Variants in RNF17 observed in about 807,000 individuals in gnomAD.
RNF17 encodes the protein ring finger protein 17, also known as spermatogenesis associated 23.
A neutral mutation model predicts 200.5 loss-of-function variants in RNF17; 31 were observed. The ratio of observed to expected loss-of-function variants is 0.15; its 90% CI spans 0.12 to 0.21. The LOEUF is 0.21. RNF17 is among the 10% of genes least tolerant of loss of function. The pLI, the probability that RNF17 is intolerant of heterozygous loss-of-function variation, is 1.00. For synonymous variants in RNF17, 606 were observed against 637.8 expected (o/e 0.95, Z 0.75); for missense variants, 1,628 against 1,905.1 (o/e 0.85, Z 2.71).
At chr13:24,821,048 G>T (rs1870783086) in intron 15 of RNF17, among the ~76,000 whole-genome samples, 1 of 152,090 alleles carries the variant, frequency 6.6e-6, no homozygotes, top group Non-Finnish European at 1.5e-5. Flanking sequence ...TTCTTCTGAG[G>T]GGTTTGAGGG....
In RNF17 at chr13:24,864,952, A is replaced by G. The variant is rs890932093; in HGVS notation, c.4055A>G (p.Tyr1352Cys). ...ATGTCACTTTCTTATTTTATGGCATACTATAAATACTGTACTTCTGAACAT... is the reference window on the plus strand; with the variant it reads ...ATGTCACTTTCTTATTTTATGGCATGCTATAAATACTGTACTTCTGAACAT... ...DGMSLSYFMA[Y>C]YKYCTSEHTE... The change falls in exon 29 of 36, where the codon TAC becomes TGC. Residue 1352 changes from tyrosine to cysteine, a missense_variant. Tyr to Cys is a radical substitution (Grantham distance 194). Around this residue, in one of 5 missense-constraint regions of RNF17, gnomAD observed 609 missense variants for 681.9 expected, o/e 0.89. Transcript: ENST00000255324. 6.4e-7 allele frequency: 1 copy of G among 1,563,818 alleles called. No homozygotes were observed. The highest frequency in any genetic ancestry group is 1.4e-5 in the African/African-American group (1 of 72,734).
Position 24,850,244 on chromosome 13 carries a change from A to G in RNF17, c.3102-97A>G, listed in dbSNP as rs1005350215. 2.7e-5 allele frequency: 18 copies of G among 677,428 alleles called. 1 individual carries two copies. In the Admixed American group the frequency reaches 4.1e-4, roughly 16 times the overall value. 42.0% of individuals were successfully genotyped at this position (677,428 alleles called of 1,614,324 possible). A position where few individuals can be genotyped will look rare whatever the true frequency, so the allele number is the denominator to read the frequency against. On this transcript the variant is annotated intron_variant, in intron 22 of 35. Transcript: ENST00000255324. The stretch of plus-strand genomic sequence containing the variant: ...TTTTTACTACATATAGTTGGTTCAA[A>G]CTATGAGTGTATCTGTGTGTAAATA...
At position 24,789,379 on chromosome 13, in the gene RNF17, G is replaced by A. The variant is rs1883553287; in HGVS notation, c.815G>A (p.Ser272Asn). The change falls in exon 8 of 36, where the codon AGT (serine) becomes AAT (asparagine). Residue 272 changes from serine (S) to asparagine (N), a missense_variant. By Grantham distance (46) the Ser-to-Asn change is conservative. Coordinates refer to ENST00000255324, the MANE Select transcript of RNF17 (RefSeq NM_031277.3). ...CGGACTTTGCAGTTAACTTCAGATA[G>A]TGAATTAGCACAAGTTAGTTCTCCA... ...IIRTLQLTSD[S>N]ELAQVSSPQL... The A allele has an allele frequency of 6.2e-7, 1 of 1,603,964 alleles. No homozygotes were observed. The highest frequency in any genetic ancestry group is 8.5e-7 in the Non-Finnish European group (1 of 1,172,730).
intron 18 of RNF17, among the ~76,000 whole-genome samples, chr13:24,840,313 T>C (rs2138109868): frequency 6.6e-6 from 1 of 152,328 alleles, no homozygotes; most frequent in East Asian, 1.9e-4. Context: ...GAAAACAGTG[T>C]GGAGATTCCT....
chr13:24,754,603 G>C, the RNF17 span, among the ~76,000 whole-genome samples: 1 of 152,164 alleles, frequency 6.6e-6, no homozygotes, highest in African/African-American at 2.4e-5. Context: ...ATTCAATAAA[G>C]ATTGCTGCCA....
chr13:24,773,912 A>G (rs1408434889), intron 2 of RNF17, among the ~76,000 whole-genome samples: 6 of 152,098 alleles, frequency 3.9e-5, no homozygotes, highest in African/African-American at 1.4e-4. Flanking sequence ...TTTTTCTTTC[A>G]GGTATCAGTT....
chr13:24,850,313 A>T (rs1383538784), intron 22 of RNF17, 28 bp from the exon 23 acceptor site: 1 of 1,444,144 alleles, frequency 6.9e-7, no homozygotes. Context: ...ATTTTTATAA[A>T]ACAAGTTGCC....
At chr13:24,764,068 G>A (rs944778661), upstream of RNF17, 28 of 789,634 alleles carry the variant, frequency 3.5e-5, no homozygotes, top group African/African-American at 4.4e-4. Context: ...CCCATCAGGA[G>A]CGAGCTTGGG....
At chr13:24,789,578 C>T (rs551077713) in intron 8 of RNF17, 120 bp from the exon 9 acceptor site, 2 of 921,578 alleles carry the variant, frequency 2.2e-6, no homozygotes, top group Admixed American at 2.1e-5. Flanking sequence ...TTTGTGCTAA[C>T]TTAGAAAGTT....
rs1288693089 is a variant in RNF17, at chr13:24,825,710, T to G, written c.2183T>G (p.Val728Gly). 2 of 1,613,676 alleles carry G rather than the reference T, an allele frequency of 1.2e-6. No homozygotes were observed. Among genetic ancestry groups the G allele is most frequent in the South Asian group, 2.2e-5 (2 of 91,038 alleles). Residue 728 changes from valine to glycine, a missense_variant, in exon 16 of 36, where the codon GTT (valine) becomes GGT (glycine). By Grantham distance (109) the Val-to-Gly change is moderately radical. Coordinates refer to ENST00000255324, the MANE Select transcript of RNF17 (RefSeq NM_031277.3). ...DGENLEILCP[V>G]QDQACVAKFE... ...GAAAATCTGGAAATCCTCTGTCCAG[T>G]TCAAGATCAAGCCTGTGTAGCTAAA...
intron 25 of RNF17, 50 bp downstream of exon 25, chr13:24,854,194 G>A (rs781546207): frequency 7.1e-7 from 1 of 1,413,116 alleles, no homozygotes; most frequent in East Asian, 2.3e-5. Flanking sequence ...ACGAACGACA[G>A]GGATTGAAAT....
chr13:24,767,394 CAT>C (rs1566109004), intron 2 of RNF17, 28 bp downstream of exon 2: 3 of 1,343,140 alleles, frequency 2.2e-6, no homozygotes, highest in African/African-American at 1.4e-5. Context: ...TCAGATGAAA[CAT>C]ATCACAACCT....
intron 15 of RNF17, among the ~76,000 whole-genome samples, chr13:24,807,904 T>C (rs1886089254): frequency 2.0e-5 from 3 of 151,670 alleles, no homozygotes; most frequent in Admixed American, 2.0e-4. Context: ...AAATAGGGAA[T>C]CCTTTCCCCA....
At chr13:24,881,940 CTATA>C (rs1186032450), downstream of RNF17, among the ~76,000 whole-genome samples, 3 of 79,488 alleles carry the variant, frequency 3.8e-5, no homozygotes, top group African/African-American at 7.4e-5. Flanking sequence ...ATAGATACAT[CTATA>C]TAGATATATA....
intron 2 of RNF17, among the ~76,000 whole-genome samples, chr13:24,767,728 C>T (rs559543329): frequency 1.5e-5 from 2 of 136,380 alleles, no homozygotes; most frequent in Non-Finnish European, 3.1e-5. Flanking sequence ...AGTCTGGCGA[C>T]AGAGCAAGAC....
downstream of RNF17, among the ~76,000 whole-genome samples, chr13:24,881,700 A>C (rs138457910): frequency 0.017 from 2,471 of 149,056 alleles, 65 homozygotes; most frequent in East Asian, 0.08. Flanking sequence ...ATCTATATAG[A>C]TTATCTAGGT....
chr13:24,778,761 A>G (rs959651198), intron 4 of RNF17, among the ~76,000 whole-genome samples: 1 of 152,196 alleles, frequency 6.6e-6, no homozygotes, highest in East Asian at 1.9e-4. Context: ...CAAAAGGCCT[A>G]ATTATGTTTG....
intron 2 of RNF17, among the ~76,000 whole-genome samples, chr13:24,774,227 A>G (rs781191041): frequency 6.6e-6 from 1 of 152,014 alleles, no homozygotes; most frequent in Non-Finnish European, 1.5e-5. Context: ...TTTGAAATAG[A>G]GTCTGGCTCT....
chr13:24,819,234 T>G (rs1279353286), intron 15 of RNF17, among the ~76,000 whole-genome samples: 1 of 152,184 alleles, frequency 6.6e-6, no homozygotes, highest in Non-Finnish European at 1.5e-5. Context: ...TTCTGCATTT[T>G]TATGAATTTT....
Sources: gnomAD v4.1 joint callset for allele counts (sites outside exome capture counted in the v4.1 genomes callset) on GRCh38, gnomAD v4.1.1 for gene constraint, gnomAD v4.1.1 regional missense constraint, MANE v1.5 for transcripts, NCBI Gene and HGNC (gene_info 2026-07-23, HGNC 2026-07-21) for gene names.